HARS2: variants seen among roughly 807,000 people sequenced by gnomAD.
The protein encoded by HARS2 is histidine--tRNA ligase, mitochondrial.
HARS2 carries 40 observed loss-of-function variants against 62.4 expected under a neutral mutation model. The observed-to-expected ratio is 0.64, with a 90% CI of 0.50 to 0.83. HARS2 has a LOEUF of 0.83. Among genes scored for constraint, HARS2 ranks in the 40% least tolerant of loss-of-function variants. The pLI, the probability that HARS2 is intolerant of heterozygous loss-of-function variation, is 0.00. For missense variants in HARS2, 569 were observed against 626.4 expected, an observed-to-expected ratio of 0.91 and a Z score of 0.98; for synonymous variants, 228 against 227.0, an observed-to-expected ratio of 1.00 and a Z score of -0.04.
At chr5:140,697,469 G>A in intron 10 of HARS2, 63 bp downstream of exon 10, 29 of 1,608,910 alleles carry the variant, frequency 1.8e-5, no homozygotes, top group Non-Finnish European at 2.4e-5. Flanking sequence ...TTCTGGAGGT[G>A]TAGTTGGAGT....
intron 8 of HARS2, 88 bp from the exon 9 acceptor site, chr5:140,696,849 TTAAAGA>T: frequency 2.8e-6 from 3 of 1,071,696 alleles, no homozygotes; most frequent in Non-Finnish European, 4.1e-6. Context: ...TTTTTTTTTT[TTAAAGA>T]AAATGAGGAA....
rs1049437787 is a variant in HARS2 at position 140,698,795 on chromosome 5, G to C, written c.*243G>C. On this transcript the variant is annotated 3_prime_UTR_variant, in exon 13 of 13. Transcript: ENST00000230771. ...GTGAAAGAGACATGCTCTAGCTGCA[G>C]AGGCAAATTTGAAGTGCCACGGAAC... The C allele has an allele frequency of 4.4e-5, 25 of 566,578 alleles. No homozygotes were observed. The highest frequency in any genetic ancestry group is 1.2e-4 in the Admixed American group (4 of 33,186). 35.1% of individuals were successfully genotyped at this position (566,578 alleles called of 1,614,324 possible). A position where few individuals can be genotyped will look rare whatever the true frequency, so the allele number is the denominator to read the frequency against.
Position 140,691,726 on chromosome 5 carries a change from G to A in HARS2, c.78G>A (p.Ser26=), listed in dbSNP as rs746617974. The change falls in exon 1 of 13, where the codon TCG becomes TCA. Residue 26 remains serine (S), a synonymous_variant. Coordinates refer to ENST00000230771, the MANE Select transcript of HARS2 (RefSeq NM_012208.4). ...LSQLLRPPCA[S]CTGAVRCQSQ... ...AGCTCCTGCGACCGCCCTGCGCTTC[G>A]TGCACCGGGGCGGTCCGTTGCCAAA... 8 of 1,552,352 alleles carry A rather than the reference G, an allele frequency of 5.2e-6. No homozygotes were observed. Among genetic ancestry groups the A allele is most frequent in the South Asian group, 1.2e-5 (1 of 84,232 alleles).
At chr5:140,696,405 G>T (rs1759742190) in intron 7 of HARS2, 116 bp from the exon 8 acceptor site, 1 of 869,068 alleles carries the variant, frequency 1.2e-6, no homozygotes, top group South Asian at 1.4e-5. Context: ...CTCTGACTTT[G>T]CTGAGTATAC....
chr5:140,697,971 C>G lies in HARS2; in HGVS notation c.1354C>G (p.Gln452Glu), dbSNP rs1320282487. 6 of 1,613,810 alleles carry G rather than the reference C, an allele frequency of 3.7e-6. No homozygotes were observed. In the East Asian group the frequency reaches 1.1e-4, roughly 30 times the overall value. The stretch of plus-strand genomic sequence containing the variant: ...CAAGAACAACCCCAAACTATTAACC[C>G]AGCTGCACTATTGTGAGAGCACAGG... Reference protein sequence around the residue: ...LYKNNPKLLTQLHYCESTGIP... With the variant: ...LYKNNPKLLTELHYCESTGIP... Residue 452 changes from glutamine (Q) to glutamate (E), a missense_variant, in exon 12 of 13, where the codon CAG (glutamine) becomes GAG (glutamate). Gln to Glu is a conservative substitution (Grantham distance 29, BLOSUM62 2). Transcript: ENST00000230771.
At chr5:140,698,269 A>C (rs575538672) in intron 12 of HARS2, among the ~76,000 whole-genome samples, 191 bp downstream of exon 12, 125 of 152,334 alleles carry the variant, frequency 8.2e-4, no homozygotes, top group African/African-American at 2.7e-3. Context: ...GACAAATGAA[A>C]TCCGAATGGG....
rs1296984866 is a variant in HARS2 at position 140,697,051 on chromosome 5, TA to T, written c.936del (p.Leu312PhefsTer18). ...AAGCTGCTATTTGAATACCTGACTT[TA>T]TTTGGAATTGCTGATAAGGTAAGCT... ...DLKLLFEYLTLFGIADKISFD... is the reference protein window; with the variant it reads ...DLKLLFEYLTXFGIADKISFD... On this transcript the variant is annotated frameshift_variant, in exon 9 of 13. Coordinates refer to ENST00000230771, the MANE Select transcript of HARS2 (RefSeq NM_012208.4). LOFTEE classifies it high-confidence loss of function. 1 of 1,614,176 alleles carries T rather than the reference TA, an allele frequency of 6.2e-7. No homozygotes were observed. Among genetic ancestry groups the T allele is most frequent in the Non-Finnish European group, 8.5e-7 (1 of 1,180,038 alleles).
In HARS2 at chr5:140,699,092, C is replaced by T; in HGVS notation, c.*540C>T. 2 of 193,954 alleles carry T rather than the reference C, an allele frequency of 1.0e-5. No homozygotes were observed. Among genetic ancestry groups the T allele is most frequent in the South Asian group, 1.0e-4 (1 of 9,870 alleles). The allele number at this position is 193,954 out of a possible 1,614,324, so 12.0% of individuals were successfully genotyped here. A position where few individuals can be genotyped will look rare whatever the true frequency, so the allele number is the denominator to read the frequency against. ...GTACCCATGTTGATTTGACATCTCTCTAGCCCATCCATTGCTTACAGTAGA... is the reference window on the plus strand; with the variant it reads ...GTACCCATGTTGATTTGACATCTCTTTAGCCCATCCATTGCTTACAGTAGA... On this transcript the variant is annotated 3_prime_UTR_variant, in exon 13 of 13. Coordinates refer to ENST00000230771, the MANE Select transcript of HARS2 (RefSeq NM_012208.4).
chr5:140,693,365 A>C (rs1759612950), intron 1 of HARS2: 2 of 795,292 alleles, frequency 2.5e-6, no homozygotes, highest in African/African-American at 3.5e-5. Flanking sequence ...TACAGTGAGG[A>C]AGCTTGTGTG....
chr5:140,693,361 G>A (rs1479593977), intron 1 of HARS2: 5 of 765,024 alleles, frequency 6.5e-6, no homozygotes, highest in Non-Finnish European at 8.5e-6. Context: ...CATATACAGT[G>A]AGGAAGCTTG....
chr5:140,696,430 G>A (rs1046656334), intron 7 of HARS2, 91 bp from the exon 8 acceptor site: 3 of 989,666 alleles, frequency 3.0e-6, no homozygotes, highest in Non-Finnish European at 4.9e-6. Context: ...AGCTACTTGT[G>A]ATGTATATAC....
Position 140,693,763 on chromosome 5 carries a change from A to C in HARS2, c.183+98A>C, listed in dbSNP as rs1024385280. On this transcript the variant is annotated intron_variant, in intron 2 of 12. Transcript: ENST00000230771. ...ACCCCTTTTAATGTTCTTTACAGTA[A>C]ATTTTAAAAATATATACTATTCTTG... 14 of 1,260,952 alleles carry C rather than the reference A, an allele frequency of 1.1e-5. No homozygotes were observed. The African/African-American group carries it at 1.9e-4, about 17-fold the overall frequency. The allele number at this position is 1,260,952 out of a possible 1,614,324, so 78.1% of individuals were successfully genotyped here.
chr5:140,697,165 T>C lies in HARS2; in HGVS notation c.956T>C (p.Ile319Thr), dbSNP rs74755920. The change falls in exon 10 of 13, where the codon ATC becomes ACC. Residue 319 changes from isoleucine to threonine, a missense_variant and splice_region_variant. Coordinates refer to ENST00000230771, the MANE Select transcript of HARS2 (RefSeq NM_012208.4). ...CTGACTGTAATCTTGTCCCCACAGA[T>C]CTCCTTTGACCTCAGCCTGGCTCGG... is the stretch of plus-strand genomic sequence containing the variant. ...YLTLFGIADKISFDLSLARGL... is the reference protein window; with the variant it reads ...YLTLFGIADKTSFDLSLARGL... 783 of 1,614,162 alleles carry C rather than the reference T, an allele frequency of 4.9e-4. No homozygotes were observed. The highest frequency in any genetic ancestry group is 6.1e-4 in the Non-Finnish European group (716 of 1,180,030).
chr5:140,696,521 A>T lies in HARS2; in HGVS notation c.733A>T (p.Met245Leu). Reference protein sequence around the residue: ...ICSSIDKLDKMAWKDVRHEMV... With the variant: ...ICSSIDKLDKLAWKDVRHEMV... ...GGCTAATGTTTGGGTGTTTATGCAG[A>T]TGGCTTGGAAAGATGTGAGACATGA... Residue 245 changes from methionine to leucine, a missense_variant and splice_region_variant, in exon 8 of 13, where the codon ATG becomes TTG. Coordinates refer to ENST00000230771, the MANE Select transcript of HARS2 (RefSeq NM_012208.4). The T allele has an allele frequency of 6.2e-7, 1 of 1,611,798 alleles. No homozygotes were observed.
rs1312825410 is a variant in HARS2 at position 140,695,830 on chromosome 5, A to G, written c.618A>G (p.Gly206=). 9.9e-6 allele frequency: 16 copies of G among 1,609,360 alleles called. No homozygotes were observed. Among genetic ancestry groups the G allele is most frequent in the Admixed American group, 1.7e-5 (1 of 60,016 alleles). Residue 206 remains glycine, a synonymous_variant, in exon 6 of 13, where the codon GGA becomes GGG. Transcript: ENST00000230771. ...MCEILSGLQL[G]DFLIKVNDRR... is the part of the protein sequence containing the mutation. ...AAATCCTAAGTGGATTGCAGTTGGG[A>G]GACTTTCTCATTAAGGTGAGGCCAG...
intron 6 of HARS2, 85 bp from the exon 7 acceptor site, chr5:140,696,018 T>C: frequency 9.3e-7 from 1 of 1,075,140 alleles, no homozygotes; most frequent in Non-Finnish European, 1.5e-6. Flanking sequence ...TCCATCCTTT[T>C]TGTGTGTCAG....
intron 8 of HARS2, 143 bp downstream of exon 8, chr5:140,696,757 T>C: frequency 1.1e-6 from 1 of 943,276 alleles, no homozygotes; most frequent in Non-Finnish European, 1.7e-6. Flanking sequence ...TTACTTATTG[T>C]AACGACTTTG....
At chr5:140,697,137 G>A in intron 9 of HARS2, 27 bp from the exon 10 acceptor site, 1 of 1,614,164 alleles carries the variant, frequency 6.2e-7, no homozygotes, top group Non-Finnish European at 8.5e-7. Context: ...GTCTAGTTTG[G>A]GACTGACTGT....
intron 12 of HARS2, 22 bp from the exon 13 acceptor site, chr5:140,698,469 CAT>C: frequency 6.4e-7 from 1 of 1,563,774 alleles, no homozygotes; most frequent in Non-Finnish European, 8.8e-7. Flanking sequence ...TAGTTTATCA[CAT>C]GAGGATTCTC....
Sources: gnomAD v4.1 joint callset for allele counts (sites outside exome capture counted in the v4.1 genomes callset) on GRCh38, gnomAD v4.1.1 for gene constraint, MANE v1.5 for transcripts, NCBI Gene and HGNC (gene_info 2026-07-23, HGNC 2026-07-21) for gene names.